Variants in LRSAM1 observed in about 807,000 individuals in gnomAD.
The protein encoded by LRSAM1 is E3 ubiquitin-protein ligase LRSAM1.
A neutral mutation model predicts 118.1 loss-of-function variants in LRSAM1; 96 were observed. The ratio of observed to expected loss-of-function variants is 0.81; its 90% CI spans 0.69 to 0.96. The LOEUF (loss-of-function observed/expected upper bound fraction) is 0.96. Ranked by LOEUF, LRSAM1 falls within the 40% of genes least tolerant of loss-of-function variation. The pLI, the probability that LRSAM1 is intolerant of heterozygous loss-of-function variation, is 0.00. For synonymous variants in LRSAM1, 322 were observed against 364.2 expected (o/e 0.88, Z 1.32); for missense variants, 804 against 915.5 (o/e 0.88, Z 1.57).
intron 11 of LRSAM1, among the ~76,000 whole-genome samples, chr9:127,475,102 G>A (rs931953090): frequency 5.9e-5 from 9 of 152,044 alleles, no homozygotes; most frequent in East Asian, 1.9e-4. Context: ...TAGAGAGGGA[G>A]GAGAAGGCTG....
intron 17 of LRSAM1, among the ~76,000 whole-genome samples, chr9:127,486,968 A>G (rs1002625073): frequency 2.6e-5 from 4 of 151,994 alleles, no homozygotes; most frequent in Non-Finnish European, 5.9e-5. Flanking sequence ...GGATCACCTG[A>G]GGTCGGGAGT....
intron 16 of LRSAM1, among the ~76,000 whole-genome samples, chr9:127,484,898 C>G (rs1382191440): frequency 6.6e-6 from 1 of 150,810 alleles, no homozygotes; most frequent in Non-Finnish European, 1.5e-5. Context: ...ACCTCTGCCT[C>G]CCGGGTTCAA....
At chr9:127,469,497 T>C (rs1458575841) in intron 10 of LRSAM1, among the ~76,000 whole-genome samples, 3 of 150,748 alleles carry the variant, frequency 2.0e-5, no homozygotes, top group Non-Finnish European at 4.4e-5. Flanking sequence ...AGAGATGATA[T>C]ACAGATAGCA....
At chr9:127,479,096 C>CAA (rs2132061313) in intron 12 of LRSAM1, 133 bp downstream of exon 12, 1 of 862,060 alleles carries the variant, frequency 1.2e-6, no homozygotes, top group Non-Finnish European at 1.7e-6. Context: ...CTCTTACACG[C>CAA]AGTCTGCTGC....
At position 127,485,741 on chromosome 9, in the gene LRSAM1, A is replaced by C. The variant is rs141382999; in HGVS notation, c.1165A>C (p.Met389Leu). 4.3e-6 allele frequency: 7 copies of C among 1,614,000 alleles called. No individual in the cohort carries two copies. Among genetic ancestry groups the C allele is most frequent in the Non-Finnish European group, 5.9e-6 (7 of 1,180,036 alleles). ...SLRRRDVASA[M>L]QQMLTESCKN... ...CCCACCTCATGTTCCCACAGCCGCC[A>C]TGCAGCAGATGCTGACTGAGAGCTG... Residue 389 changes from methionine to leucine, a missense_variant, in exon 17 of 26, where the codon ATG (methionine) becomes CTG (leucine). Coordinates refer to ENST00000300417, the MANE Select transcript of LRSAM1 (RefSeq NM_001005373.4).
In LRSAM1 at chr9:127,465,490, T is replaced by C. The variant is rs994204916; in HGVS notation, c.529-2250T>C. Among the ~76,000 whole-genome samples the C allele has an allele frequency of 1.6e-4, 24 of 152,272 alleles. No individual in the cohort carries two copies. Among genetic ancestry groups the C allele is most frequent in the Non-Finnish European group, 2.6e-4 (18 of 68,050 alleles). ...CCCTTAAGCCACCACGCTTTACTGA[T>C]GGTGACTAAGAGCACCCATGTGGGG... On this transcript the variant is annotated intron_variant, in intron 9 of 25. Coordinates refer to ENST00000300417, the MANE Select transcript of LRSAM1 (RefSeq NM_001005373.4). This position sits in a 1 kb window ranked among gnomAD's most constrained non-coding sequence, Gnocchi z 4.1.
At chr9:127,471,341 C>G (rs1256946908) in intron 10 of LRSAM1, among the ~76,000 whole-genome samples, 1 of 151,706 alleles carries the variant, frequency 6.6e-6, no homozygotes, top group Admixed American at 6.6e-5. Context: ...AGCTTGGTGG[C>G]ACACCTGTAG....
chr9:127,473,361 A>G (rs1350368877), intron 10 of LRSAM1, among the ~76,000 whole-genome samples: 1 of 152,252 alleles, frequency 6.6e-6, no homozygotes, highest in East Asian at 1.9e-4. Flanking sequence ...ATCAACAGGA[A>G]AAAGACAAAC....
At chr9:127,473,982 A>G (rs768799611) in intron 11 of LRSAM1, 51 bp downstream of exon 11, 1 of 1,612,702 alleles carries the variant, frequency 6.2e-7, no homozygotes, top group South Asian at 1.1e-5. Context: ...GTGCGTGTGC[A>G]TGTATGTGTG....
chr9:127,455,946 A>G (rs989399917), intron 5 of LRSAM1, among the ~76,000 whole-genome samples: 1 of 152,190 alleles, frequency 6.6e-6, no homozygotes, highest in African/African-American at 2.4e-5. Context: ...TGAGTGGTAG[A>G]TAGCTAGATA....
chr9:127,459,053 G>A lies in LRSAM1; in HGVS notation c.303G>A (p.Gly101=). ...NQLTALPDDL[G]QLTALQVLNV... is the part of the protein sequence containing the mutation. ...TGACAGCCCTTCCTGACGATCTGGG[G>A]CAGCTGACTGCCCTCCAGGTAAGGC... Residue 101 remains glycine (G), a synonymous_variant, in exon 7 of 26, where the codon GGG becomes GGA. Transcript: ENST00000300417. 1 of 1,613,676 alleles carries A rather than the reference G, an allele frequency of 6.2e-7. No homozygotes were observed. Among genetic ancestry groups the A allele is most frequent in the Non-Finnish European group, 8.5e-7 (1 of 1,180,010 alleles).
At chr9:127,487,639 G>A (rs771599803) in intron 17 of LRSAM1, 37 bp from the exon 18 acceptor site, 28 of 1,598,700 alleles carry the variant, frequency 1.8e-5, no homozygotes, top group Middle Eastern at 1.7e-4. Context: ...CTCGGGAAAC[G>A]TTCCAAGAAT....
intron 15 of LRSAM1, among the ~76,000 whole-genome samples, chr9:127,481,811 T>G (rs1835549106): frequency 6.6e-6 from 1 of 152,018 alleles, no homozygotes; most frequent in African/African-American, 2.4e-5. Flanking sequence ...ATCCCAGCAC[T>G]TTGGGAGGCC....
At chr9:127,497,147 C>A in intron 23 of LRSAM1, 106 bp from the exon 24 acceptor site, 1 of 1,128,254 alleles carries the variant, frequency 8.9e-7, no homozygotes, top group Non-Finnish European at 1.3e-6. Context: ...ACATTTCCAG[C>A]AGGAGGTGTC....
intron 14 of LRSAM1, among the ~76,000 whole-genome samples, chr9:127,480,741 G>A (rs765301072): frequency 1.3e-5 from 2 of 152,202 alleles, no homozygotes; most frequent in Non-Finnish European, 2.9e-5. Context: ...AGGCTGGAGT[G>A]CAGTGGTGTG....
intron 21 of LRSAM1, 152 bp downstream of exon 21, chr9:127,493,049 T>G: frequency 1.3e-6 from 1 of 743,550 alleles, no homozygotes; most frequent in Non-Finnish European, 2.3e-6. Context: ...TTTCCAAGCG[T>G]TATCTCCTGC....
chr9:127,459,588 C>T (rs1161874530), intron 7 of LRSAM1, among the ~76,000 whole-genome samples: 3 of 149,774 alleles, frequency 2.0e-5, no homozygotes, highest in African/African-American at 7.4e-5. Context: ...TTTTTTTTCT[C>T]ACTCTTGTCA....
At chr9:127,491,119 G>C in intron 19 of LRSAM1, 96 bp from the exon 20 acceptor site, 1 of 1,016,538 alleles carries the variant, frequency 9.8e-7, no homozygotes, top group Non-Finnish European at 1.6e-6. Flanking sequence ...CCCCAGAAAG[G>C]CTTCTTAGAC....
chr9:127,467,002 A>G (rs1012140354), intron 9 of LRSAM1, among the ~76,000 whole-genome samples: 2 of 152,150 alleles, frequency 1.3e-5, no homozygotes, highest in Admixed American at 1.3e-4. Context: ...TGTCTCAGAA[A>G]AATGTAAAAA....
Sources: gnomAD v4.1 joint callset for allele counts (sites outside exome capture counted in the v4.1 genomes callset) on GRCh38, gnomAD v4.1.1 for gene constraint, Gnocchi (gnomAD v3.1) non-coding constraint, MANE v1.5 for transcripts, NCBI Gene and HGNC (gene_info 2026-07-23, HGNC 2026-07-21) for gene names.